Variants in LRRTM4 observed in about 807,000 individuals in gnomAD.
LRRTM4 encodes leucine rich repeat transmembrane neuronal 4, also known as leucine-rich repeat transmembrane neuronal protein 4.
A neutral mutation model predicts 47.6 loss-of-function variants in LRRTM4; 25 were observed. That is an observed-to-expected ratio of 0.53 (90% CI 0.38 to 0.73). The LOEUF (loss-of-function observed/expected upper bound fraction) is 0.73, where lower values mean the gene tolerates loss of function less well. Ranked by LOEUF, LRRTM4 falls within the 30% of genes least tolerant of loss-of-function variation. The probability of loss-of-function intolerance (pLI) is 0.00; values close to 1 mark genes in which losing one functional copy is unlikely to be tolerated. For missense variants in LRRTM4, 638 were observed against 713.4 expected (o/e 0.89, Z 1.20); for synonymous variants, 311 against 269.5 (o/e 1.15, Z -1.51).
chr2:77,249,546 A>G (rs1675546194), intron 3 of LRRTM4, among the ~76,000 whole-genome samples: 2 of 152,152 alleles, frequency 1.3e-5, no homozygotes, highest in Admixed American at 1.3e-4. Flanking sequence ...ATGGCAAAAA[A>G]GCATATAAAC....
intron 3 of LRRTM4, among the ~76,000 whole-genome samples, chr2:77,113,981 T>G (rs1019497136): frequency 2.0e-5 from 3 of 152,056 alleles, no homozygotes; most frequent in South Asian, 4.1e-4. Flanking sequence ...CAGGGGGTAA[T>G]GTTAAGCCAA....
intron 3 of LRRTM4, among the ~76,000 whole-genome samples, chr2:77,012,533 G>A (rs933440468): frequency 2.0e-5 from 3 of 152,296 alleles, no homozygotes; most frequent in East Asian, 1.9e-4. Context: ...CACCTGCAGA[G>A]CCTGGGCAGG....
In LRRTM4 at chr2:77,155,139, T is replaced by C. The variant is rs17013758; in HGVS notation, c.1551+363179A>G. On this transcript the variant is annotated intron_variant, in intron 3 of 3. Coordinates refer to ENST00000409884, the MANE Select transcript of LRRTM4 (RefSeq NM_001134745.3). ...AAACAGTTGCATGGCAGCAATGTAA[T>C]ACACAAAGTACATTTTGATTTTAAA... 2.6e-3 allele frequency among the ~76,000 whole-genome samples: 398 copies of C among 152,106 alleles called. 4 individuals carry two copies. The East Asian group carries it at 0.056, about 21-fold the overall frequency.
At chr2:77,003,127 T>C (rs765882733) in intron 3 of LRRTM4, among the ~76,000 whole-genome samples, 1 of 151,990 alleles carries the variant, frequency 6.6e-6, no homozygotes, top group African/African-American at 2.4e-5. Flanking sequence ...ATGGAATTTC[T>C]CTTCTCTGAA....
intron 3 of LRRTM4, among the ~76,000 whole-genome samples, chr2:77,486,464 C>T (rs941275050): frequency 6.6e-6 from 1 of 151,930 alleles, no homozygotes; most frequent in South Asian, 2.1e-4. Context: ...ACTCATTTTG[C>T]ACACATATTA....
chr2:77,447,407 G>A (rs984384007), intron 3 of LRRTM4, among the ~76,000 whole-genome samples: 12 of 152,086 alleles, frequency 7.9e-5, no homozygotes, highest in Admixed American at 7.2e-4. Context: ...GCAGAAAACT[G>A]TATCCGGCTC....
chr2:76,878,325 C>T (rs970094278), intron 3 of LRRTM4, among the ~76,000 whole-genome samples: 8 of 152,020 alleles, frequency 5.3e-5, no homozygotes, highest in African/African-American at 1.9e-4. Flanking sequence ...CCCTGAGAGG[C>T]AACCATATTG....
chr2:77,043,860 C>A (rs1010263982), intron 3 of LRRTM4, among the ~76,000 whole-genome samples: 4 of 151,290 alleles, frequency 2.6e-5, no homozygotes, highest in African/African-American at 9.7e-5. Flanking sequence ...TAATGTCTTA[C>A]AATTAAAATA....
At chr2:77,228,434 T>C (rs2861018) in intron 3 of LRRTM4, among the ~76,000 whole-genome samples, 30,467 of 151,814 alleles carry the variant, frequency 0.2, 5,931 homozygotes, top group African/African-American at 0.5. Flanking sequence ...CCCATGAAAA[T>C]TACATAAGCT....
intron 3 of LRRTM4, among the ~76,000 whole-genome samples, chr2:77,388,229 A>G (rs1310081627): frequency 6.6e-6 from 1 of 152,170 alleles, no homozygotes; most frequent in Non-Finnish European, 1.5e-5. Context: ...GGAGAAGTGA[A>G]CAAAATGAAT....
At chr2:77,410,305 G>A (rs1368971157) in intron 3 of LRRTM4, among the ~76,000 whole-genome samples, 3 of 152,114 alleles carry the variant, frequency 2.0e-5, no homozygotes, top group Non-Finnish European at 2.9e-5. Flanking sequence ...AACCACATGA[G>A]TAGGGAGCCA....
intron 3 of LRRTM4, among the ~76,000 whole-genome samples, chr2:77,144,402 C>A (rs1170238962): frequency 1.3e-5 from 2 of 151,546 alleles, no homozygotes; most frequent in South Asian, 2.1e-4. Context: ...CAGGGCATAA[C>A]AAGGCTGCTG....
chr2:77,341,426 C>T (rs1280319870), intron 3 of LRRTM4, among the ~76,000 whole-genome samples: 3 of 151,968 alleles, frequency 2.0e-5, no homozygotes, highest in Admixed American at 1.3e-4. Flanking sequence ...TCTGCTTAAA[C>T]GTTATTCCTT....
At chr2:77,373,088 A>AAAATATATAT (rs1553435844) in intron 3 of LRRTM4, among the ~76,000 whole-genome samples, 1 of 140,370 alleles carries the variant, frequency 7.1e-6, no homozygotes, top group East Asian at 2.1e-4. Context: ...TTAAAAAAAA[A>AAAATATATAT]ATATATATAT....
At chr2:76,807,212 G>C (rs1321121039) in intron 3 of LRRTM4, among the ~76,000 whole-genome samples, 1 of 151,748 alleles carries the variant, frequency 6.6e-6, no homozygotes, top group African/African-American at 2.4e-5. Context: ...TATGGGAATA[G>C]TCACTGAAAT....
chr2:77,136,109 A>G (rs773946028), intron 3 of LRRTM4, among the ~76,000 whole-genome samples: 1 of 151,984 alleles, frequency 6.6e-6, no homozygotes, highest in Non-Finnish European at 1.5e-5. Context: ...TGCATTTCCA[A>G]CTGAGCTTTG....
chr2:77,226,066 A>G (rs1358252299), intron 3 of LRRTM4, among the ~76,000 whole-genome samples: 6 of 151,448 alleles, frequency 4.0e-5, no homozygotes, highest in Non-Finnish European at 7.4e-5. Context: ...TTTTATAATT[A>G]TTATTGTTTT....
chr2:77,081,898 C>T (rs888566028), intron 3 of LRRTM4, among the ~76,000 whole-genome samples: 2 of 152,112 alleles, frequency 1.3e-5, no homozygotes, highest in African/African-American at 4.8e-5. Context: ...TCTACCAAGA[C>T]ACATTTCATC....
chr2:76,850,929 T>C (rs1461453716), intron 3 of LRRTM4, among the ~76,000 whole-genome samples: 2 of 152,216 alleles, frequency 1.3e-5, no homozygotes, highest in Non-Finnish European at 2.9e-5. Flanking sequence ...ACATGTCTTA[T>C]TGTAGACTCC....
Sources: allele counts gnomAD v4.1 joint callset (sites outside exome capture counted in the v4.1 genomes callset), GRCh38; gene constraint gnomAD v4.1.1; transcripts MANE v1.5; gene names NCBI Gene and HGNC (gene_info 2026-07-23, HGNC 2026-07-21).